TNFRSF10C: variants seen among roughly 807,000 people sequenced by gnomAD.
The protein encoded by TNFRSF10C is TNF receptor superfamily member 10c, also known as tumor necrosis factor receptor superfamily member 10C.
TNFRSF10C carries 17 observed loss-of-function variants against 16.7 expected under a neutral mutation model. That is an observed-to-expected ratio of 1.02 (90% CI 0.70 to 1.53). The LOEUF (loss-of-function observed/expected upper bound fraction) is 1.53. TNFRSF10C is among the 40% of genes most tolerant of loss of function. The probability of loss-of-function intolerance (pLI) is 0.00; values close to 1 mark genes in which losing one functional copy is unlikely to be tolerated. For synonymous variants in TNFRSF10C, 73 were observed against 119.7 expected, an observed-to-expected ratio of 0.61 and a Z score of 2.55; for missense variants, 237 against 329.7, an observed-to-expected ratio of 0.72 and a Z score of 2.18.
chr8:23,102,946 C>T lies in TNFRSF10C; in HGVS notation c.-176C>T. On this transcript the variant is annotated 5_prime_UTR_variant, in exon 1 of 5. Coordinates refer to ENST00000356864, the MANE Select transcript of TNFRSF10C (RefSeq NM_003841.5). ...GGCAGTGCAGCTGTGGGAACCTCTCCACGCGCACGAACTCAGCCAACGATT... is the reference window on the plus strand; with the variant it reads ...GGCAGTGCAGCTGTGGGAACCTCTCTACGCGCACGAACTCAGCCAACGATT... The T allele has an allele frequency of 6.7e-7, 1 of 1,496,328 alleles. No individual in the cohort carries two copies. The highest frequency in any genetic ancestry group is 9.0e-7 in the Non-Finnish European group (1 of 1,116,262). The allele number at this position is 1,496,328 out of a possible 1,614,324, so 92.7% of individuals were successfully genotyped here.
At position 23,114,630 on chromosome 8, in the gene TNFRSF10C, T is replaced by C. The variant is rs753669696; in HGVS notation, c.167-27T>C. On this transcript the variant is annotated intron_variant, in intron 2 of 4. Coordinates refer to ENST00000356864, the MANE Select transcript of TNFRSF10C (RefSeq NM_003841.5). The stretch of plus-strand genomic sequence containing the variant: ...CCTCTGGGAATTCTGTGGTGACTCA[T>C]TCATTGGCTTTTCTCTTCCTTCCCA... The C allele has an allele frequency of 1.9e-6, 3 of 1,582,852 alleles. No homozygotes were observed. In the East Asian group the frequency reaches 6.7e-5, roughly 35 times the overall value.
intron 1 of TNFRSF10C, among the ~76,000 whole-genome samples, chr8:23,106,298 T>A (rs989705671): frequency 3.3e-5 from 5 of 152,102 alleles, no homozygotes; most frequent in African/African-American, 1.2e-4. Flanking sequence ...GAGGCTGTGC[T>A]GGAGAGAGGC....
intron 3 of TNFRSF10C, 34 bp from the exon 4 acceptor site, chr8:23,115,472 GAA>G: frequency 6.3e-7 from 1 of 1,579,176 alleles, no homozygotes; most frequent in South Asian, 1.1e-5. Flanking sequence ...ATACATCAGG[GAA>G]ACACATTCCC....
At chr8:23,116,160 C>T (rs904772302) in intron 4 of TNFRSF10C, among the ~76,000 whole-genome samples, 1 of 152,194 alleles carries the variant, frequency 6.6e-6, no homozygotes, top group Non-Finnish European at 1.5e-5. Flanking sequence ...CCCAATCCCT[C>T]AATAAGTCCT....
intron 2 of TNFRSF10C, among the ~76,000 whole-genome samples, chr8:23,113,408 T>C (rs1426233701): frequency 2.6e-5 from 4 of 152,240 alleles, no homozygotes; most frequent in African/African-American, 9.7e-5. Flanking sequence ...CTATGTATTC[T>C]TGTGGTAGTT....
chr8:23,111,963 C>T (rs1199607981), intron 2 of TNFRSF10C, 138 bp downstream of exon 2: 3 of 913,058 alleles, frequency 3.3e-6, no homozygotes, highest in Non-Finnish European at 3.3e-6. Context: ...CATACTTAAT[C>T]ATGTATTCGT....
At position 23,116,645 on chromosome 8, in the gene TNFRSF10C, C is replaced by T. The variant is rs779898868; in HGVS notation, c.394C>T (p.Pro132Ser). 1.4e-5 allele frequency: 23 copies of T among 1,613,140 alleles called. No individual in the cohort carries two copies. The South Asian group carries it at 2.3e-4, about 16-fold the overall frequency. Reference protein sequence around the residue: ...PEMCRKCSRCPSGEVQVSNCT... With the variant: ...PEMCRKCSRCSSGEVQVSNCT... ...TCCCTCTCTGTGTGTACCCAGGTGCCCTAGTGGGGAAGTCCAAGTCAGTAA... is the reference window on the plus strand; with the variant it reads ...TCCCTCTCTGTGTGTACCCAGGTGCTCTAGTGGGGAAGTCCAAGTCAGTAA... The change falls in exon 5 of 5, where the codon CCT (proline) becomes TCT (serine). Residue 132 changes from proline (P) to serine (S), a missense_variant. By Grantham distance (74) the Pro-to-Ser change is moderately conservative. Transcript: ENST00000356864.
At chr8:23,111,222 T>TC (rs1813871881) in intron 1 of TNFRSF10C, among the ~76,000 whole-genome samples, 1 of 151,902 alleles carries the variant, frequency 6.6e-6, no homozygotes, top group Non-Finnish European at 1.5e-5. Flanking sequence ...ATTTTTTCTT[T>TC]TTTTTTTTTA....
intron 1 of TNFRSF10C, 120 bp from the exon 2 acceptor site, chr8:23,111,600 T>A: frequency 1.3e-6 from 1 of 779,400 alleles, no homozygotes; most frequent in Admixed American, 2.2e-5. Flanking sequence ...AGTTTGGAGC[T>A]GGAAAAAATG....
Position 23,103,074 on chromosome 8 carries a change from C to T in TNFRSF10C, c.-48C>T. 2 of 1,593,812 alleles carry T rather than the reference C, an allele frequency of 1.3e-6. No individual in the cohort carries two copies. The highest frequency in any genetic ancestry group is 8.5e-7 in the Non-Finnish European group (1 of 1,170,898). ...CAGAGCGCCCCGGCCGCCTGATGGC[C>T]GAGGCAGGGTGCGACCCAGGACCCA... On this transcript the variant is annotated 5_prime_UTR_variant, in exon 1 of 5. It introduces an in-frame stop codon into an upstream open reading frame of the 5' UTR. Coordinates refer to ENST00000356864, the MANE Select transcript of TNFRSF10C (RefSeq NM_003841.5).
chr8:23,117,096 CG>C lies in TNFRSF10C; in HGVS notation c.*71del. On this transcript the variant is annotated 3_prime_UTR_variant, in exon 5 of 5. Transcript: ENST00000356864. ...GGTTCAGGTAGGCGCTGGCTGAGGG[CG>C]GGGGGCGCTGGACACTCTCTGCCCT... 5 of 1,573,910 alleles carry C rather than the reference CG, an allele frequency of 3.2e-6. No homozygotes were observed. Among genetic ancestry groups the C allele is most frequent in the Admixed American group, 1.7e-5 (1 of 57,472 alleles).
In TNFRSF10C at chr8:23,117,133, G is replaced by T. The variant is rs1814005537; in HGVS notation, c.*102G>T. On this transcript the variant is annotated 3_prime_UTR_variant, in exon 5 of 5. Coordinates refer to ENST00000356864, the MANE Select transcript of TNFRSF10C (RefSeq NM_003841.5). Reference sequence around the variant, plus strand: ...GACACTCTCTGCCCTGCCTCCCTCTGCTGTGTTCCCACAGACAGAAACGCC... The same window carrying T: ...GACACTCTCTGCCCTGCCTCCCTCTTCTGTGTTCCCACAGACAGAAACGCC... The T allele has an allele frequency of 6.6e-7, 1 of 1,515,060 alleles. No homozygotes were observed. Among genetic ancestry groups the T allele is most frequent in the Admixed American group, 2.0e-5 (1 of 50,170 alleles). The allele number at this position is 1,515,060 out of a possible 1,614,324, so 93.9% of individuals were successfully genotyped here.
In TNFRSF10C at chr8:23,116,982, C is replaced by T; in HGVS notation, c.731C>T (p.Thr244Ile). 1 of 1,614,172 alleles carries T rather than the reference C, an allele frequency of 6.2e-7. No homozygotes were observed. The highest frequency in any genetic ancestry group is 2.2e-5 in the East Asian group (1 of 44,878). Reference sequence around the variant, plus strand: ...GCCTCTTCTCATTACCTCTCATGCACCATCGTAGGGATCATAGTTCTAATT... The same window carrying T: ...GCCTCTTCTCATTACCTCTCATGCATCATCGTAGGGATCATAGTTCTAATT... The part of the protein sequence containing the change: ...TPASSHYLSC[T>I]IVGIIVLIVL... The change falls in exon 5 of 5, where the codon ACC becomes ATC. Residue 244 changes from threonine (T) to isoleucine (I), a missense_variant. Thr to Ile is a moderately conservative substitution (Grantham distance 89). Coordinates refer to ENST00000356864, the MANE Select transcript of TNFRSF10C (RefSeq NM_003841.5).
At position 23,115,252 on chromosome 8, in the gene TNFRSF10C, T is replaced by A. The variant is rs574691767; in HGVS notation, c.281-256T>A. ...CTTGCACCTCCCTTGCTACTGACCA[T>A]GCCATCTAAACAATGCTTTTCCCCT... On this transcript the variant is annotated intron_variant, in intron 3 of 4. Coordinates refer to ENST00000356864, the MANE Select transcript of TNFRSF10C (RefSeq NM_003841.5). 7.2e-5 allele frequency among the ~76,000 whole-genome samples: 11 copies of A among 152,332 alleles called. No individual in the cohort carries two copies. In the East Asian group the frequency reaches 1.5e-3, roughly 21 times the overall value.
chr8:23,114,671 G>A lies in TNFRSF10C; in HGVS notation c.181G>A (p.Glu61Lys), dbSNP rs1813941844. 1 of 1,611,468 alleles carries A rather than the reference G, an allele frequency of 6.2e-7. No homozygotes were observed. The highest frequency in any genetic ancestry group is 8.5e-7 in the Non-Finnish European group (1 of 1,179,798). Residue 61 changes from glutamate (E) to lysine (K), a missense_variant, in exon 3 of 5, where the codon GAA (glutamate) becomes AAA (lysine). Around this residue, in one of 2 missense-constraint regions of TNFRSF10C, gnomAD observed 212 missense variants for 196.8 expected, o/e 1.08. Transcript: ENST00000356864. ...TTCCTTCCCAGGATCTCATAGATCA[G>A]AACATACTGGAGCCTGTAACCCGTG... is the stretch of plus-strand genomic sequence containing the variant. ...EECPAGSHRS[E>K]HTGACNPCTE...
chr8:23,104,906 A>G (rs1297522185), intron 1 of TNFRSF10C, among the ~76,000 whole-genome samples: 4 of 152,174 alleles, frequency 2.6e-5, no homozygotes, highest in African/African-American at 9.7e-5. Flanking sequence ...AGTTGGGGCC[A>G]GTCCCTGCCA....
chr8:23,109,412 T>C (rs1813837608), intron 1 of TNFRSF10C, among the ~76,000 whole-genome samples: 4 of 150,986 alleles, frequency 2.6e-5, no homozygotes, highest in East Asian at 1.9e-4. Context: ...CCGAGGAGGG[T>C]GGATCACGAG....
At position 23,108,427 on chromosome 8, in the gene TNFRSF10C, T is replaced by G. The variant is rs148006286; in HGVS notation, c.61-3293T>G. The stretch of plus-strand genomic sequence containing the variant: ...GCATCGGCTGTAACCAGTTATTACT[T>G]TAGAGACACAGTTATCAACTACCTG... On this transcript the variant is annotated intron_variant, in intron 1 of 4. Coordinates refer to ENST00000356864, the MANE Select transcript of TNFRSF10C (RefSeq NM_003841.5). Among the ~76,000 whole-genome samples, 471 of 152,286 alleles carry G rather than the reference T, an allele frequency of 3.1e-3. 5 individuals are homozygous for G. In the South Asian group the frequency reaches 0.033, roughly 11 times the overall value.
chr8:23,114,793 GT>G, intron 3 of TNFRSF10C, 23 bp downstream of exon 3: 1 of 1,603,534 alleles, frequency 6.2e-7, no homozygotes. Flanking sequence ...TGGACCTCTT[GT>G]CCAGAGGTGG....
Sources: gnomAD v4.1 joint callset for allele counts (sites outside exome capture counted in the v4.1 genomes callset) on GRCh38, gnomAD v4.1.1 for gene constraint, gnomAD v4.1.1 regional missense constraint, MANE v1.5 for transcripts, NCBI Gene and HGNC (gene_info 2026-07-23, HGNC 2026-07-21) for gene names.